NMNAT2: variants seen among roughly 807,000 people sequenced by gnomAD.
NMNAT2 encodes the protein nicotinamide nucleotide adenylyltransferase 2.
Under a neutral mutation model 41.6 loss-of-function variants are expected in NMNAT2, and 11 were observed. The ratio of observed to expected loss-of-function variants is 0.26; its 90% confidence interval spans 0.17 to 0.44. NMNAT2 has a LOEUF of 0.44. Among genes scored for constraint, NMNAT2 ranks in the 20% least tolerant of loss-of-function variants. NMNAT2 has a pLI of 1.00. For missense variants in NMNAT2, 288 were observed against 407.7 expected, an observed-to-expected ratio of 0.71 and a Z score of 2.53; for synonymous variants, 148 against 151.2, an observed-to-expected ratio of 0.98 and a Z score of 0.16.
intron 1 of NMNAT2, among the ~76,000 whole-genome samples, chr1:183,367,737 T>A: frequency 6.6e-6 from 1 of 152,362 alleles, no homozygotes; most frequent in African/African-American, 2.4e-5. Context: ...AAATTATATA[T>A]GTGTCTTATT....
intron 1 of NMNAT2, among the ~76,000 whole-genome samples, chr1:183,389,984 T>G (rs918366541): frequency 2.0e-5 from 3 of 151,612 alleles, no homozygotes; most frequent in African/African-American, 7.3e-5. Flanking sequence ...AAAGGACCCA[T>G]GCACCAAAGC....
intron 4 of NMNAT2, among the ~76,000 whole-genome samples, chr1:183,288,579 T>A (rs2102305881): frequency 6.6e-6 from 1 of 152,346 alleles, no homozygotes; most frequent in South Asian, 2.1e-4. Context: ...CATCAAATGA[T>A]AGCCAGGCTT....
intron 1 of NMNAT2, chr1:183,304,964 A>G (rs1661962428): frequency 9.2e-7 from 1 of 1,081,326 alleles, no homozygotes; most frequent in Non-Finnish European, 1.2e-6. Flanking sequence ...AACCTCTCAT[A>G]TGCTCCCGCT....
At chr1:183,265,206 T>C (rs1037939230) in intron 8 of NMNAT2, among the ~76,000 whole-genome samples, 1 of 150,768 alleles carries the variant, frequency 6.6e-6, no homozygotes, top group Non-Finnish European at 1.5e-5. Context: ...CTCAAAGAAA[T>C]GGTTTTCCTA....
chr1:183,402,960 CTT>C (rs5779174), intron 1 of NMNAT2, among the ~76,000 whole-genome samples: 101 of 142,416 alleles, frequency 7.1e-4, no homozygotes, highest in East Asian at 3.1e-3. Context: ...AACATCATAT[CTT>C]TTTTTTTTTT....
intron 1 of NMNAT2, among the ~76,000 whole-genome samples, chr1:183,396,420 A>G (rs555858746): frequency 4.7e-4 from 71 of 152,168 alleles, no homozygotes; most frequent in Non-Finnish European, 9.1e-4. Flanking sequence ...CAGCTTCCCA[A>G]TAAGACCTCA....
chr1:183,378,040 T>G (rs1030516649), intron 1 of NMNAT2, among the ~76,000 whole-genome samples: 1 of 152,170 alleles, frequency 6.6e-6, no homozygotes, highest in African/African-American at 2.4e-5. Flanking sequence ...AACTTGAAGA[T>G]AGGTCAATAG....
intron 1 of NMNAT2, among the ~76,000 whole-genome samples, chr1:183,326,072 G>A (rs1662456134): frequency 6.6e-6 from 1 of 152,072 alleles, no homozygotes; most frequent in Non-Finnish European, 1.5e-5. Context: ...CAGTCATCAG[G>A]CACACACAAG....
chr1:183,331,558 T>C (rs866787414), intron 1 of NMNAT2, among the ~76,000 whole-genome samples: 2 of 152,188 alleles, frequency 1.3e-5, no homozygotes, highest in African/African-American at 4.8e-5. Flanking sequence ...CAGTCTTTCT[T>C]TTTCCAACTC....
chr1:183,352,972 G>T (rs532799579), intron 1 of NMNAT2, among the ~76,000 whole-genome samples: 1 of 152,270 alleles, frequency 6.6e-6, no homozygotes, highest in South Asian at 2.1e-4. Flanking sequence ...TGAAGAGGGG[G>T]TCAGAAAGGA....
intron 1 of NMNAT2, among the ~76,000 whole-genome samples, chr1:183,346,886 T>C (rs1029407562): frequency 4.6e-5 from 7 of 152,084 alleles, no homozygotes; most frequent in African/African-American, 1.7e-4. Flanking sequence ...TTTTACCCCA[T>C]TATAGTCATT....
intron 1 of NMNAT2, among the ~76,000 whole-genome samples, chr1:183,323,853 G>A (rs572174753): frequency 6.6e-6 from 1 of 152,322 alleles, no homozygotes; most frequent in South Asian, 2.1e-4. Flanking sequence ...TCTCTCCTAC[G>A]AGATTTGGCC....
At position 183,251,700 on chromosome 1, in the gene NMNAT2, G is replaced by A. The variant is rs569149303; in HGVS notation, c.*941C>T. The A allele has an allele frequency of 5.2e-5, 8 of 152,930 alleles. No individual in the cohort carries two copies. The highest frequency in any genetic ancestry group is 1.9e-4 in the African/African-American group (8 of 41,560). The allele number at this position is 152,930 out of a possible 1,614,324, so 9.5% of individuals were successfully genotyped here. A position where few individuals can be genotyped will look rare whatever the true frequency, so the allele number is the denominator to read the frequency against. ...ATGAACAGATGCCACCAGGAAATGAGGATGGACTGGCTCTGTGTGATCATA... is the reference window on the plus strand; with the variant it reads ...ATGAACAGATGCCACCAGGAAATGAAGATGGACTGGCTCTGTGTGATCATA... On this transcript the variant is annotated 3_prime_UTR_variant, in exon 11 of 11. Coordinates refer to ENST00000287713, the MANE Select transcript of NMNAT2 (RefSeq NM_015039.4).
intron 10 of NMNAT2, 77 bp from the exon 11 acceptor site, chr1:183,252,820 C>T (rs1660427345): frequency 2.0e-6 from 2 of 1,013,522 alleles, no homozygotes; most frequent in Non-Finnish European, 1.6e-6. Flanking sequence ...CCCCTGTCTC[C>T]CCAGCACCCC....
intron 1 of NMNAT2, among the ~76,000 whole-genome samples, chr1:183,306,331 T>A (rs1038389177): frequency 6.6e-6 from 1 of 152,172 alleles, no homozygotes; most frequent in African/African-American, 2.4e-5. Context: ...GGCAAAAGAA[T>A]GGATTTTTCC....
chr1:183,416,309 C>T (rs1649249913), intron 1 of NMNAT2, among the ~76,000 whole-genome samples: 1 of 152,232 alleles, frequency 6.6e-6, no homozygotes, highest in Admixed American at 6.5e-5. Flanking sequence ...CTTAGAGCCA[C>T]AGAGTTTCAT....
intron 1 of NMNAT2, among the ~76,000 whole-genome samples, chr1:183,386,085 A>G (rs1648234433): frequency 6.6e-6 from 1 of 152,140 alleles, no homozygotes; most frequent in South Asian, 2.1e-4. Flanking sequence ...GGACTTAAAA[A>G]TTTGTTGTGT....
At chr1:183,342,927 ATTT>A (rs869112064) in intron 1 of NMNAT2, among the ~76,000 whole-genome samples, 5 of 122,442 alleles carry the variant, frequency 4.1e-5, no homozygotes, top group Admixed American at 8.4e-5. Context: ...TATTATTATT[ATTT>A]TTGTAGAGAT....
intron 1 of NMNAT2, among the ~76,000 whole-genome samples, chr1:183,305,808 C>A (rs1205131421): frequency 6.6e-6 from 1 of 151,402 alleles, no homozygotes; most frequent in Non-Finnish European, 1.5e-5. Flanking sequence ...GCAACCTCCA[C>A]CTTCCAGGTT....
Sources: gnomAD v4.1 joint callset for allele counts (sites outside exome capture counted in the v4.1 genomes callset) on GRCh38, gnomAD v4.1.1 for gene constraint, MANE v1.5 for transcripts, NCBI Gene and HGNC (gene_info 2026-07-23, HGNC 2026-07-21) for gene names.